TRPM3: variants seen among roughly 807,000 people sequenced by gnomAD.
TRPM3 encodes the protein transient receptor potential cation channel subfamily M member 3, also known as long transient receptor potential channel 3.
In TRPM3, 77 loss-of-function variants were observed where a neutral mutation model predicts 181.2. The observed-to-expected ratio is 0.42, with a 90% CI of 0.35 to 0.51. The LOEUF is 0.51. TRPM3 is among the 20% of genes least tolerant of loss of function. The probability of loss-of-function intolerance (pLI) is 0.01; values close to 1 mark genes in which losing one functional copy is unlikely to be tolerated. For missense variants in TRPM3, 1,759 were observed against 2,196.7 expected (o/e 0.80, Z 3.98); for synonymous variants, 745 against 796.4 (o/e 0.94, Z 1.09).
chr9:71,198,167 A>G lies in TRPM3; in HGVS notation c.183+248486T>C, dbSNP rs2078519620. The stretch of plus-strand genomic sequence containing the variant: ...TGCTTGTTTTTCTCAGGTTTGTCAA[A>G]GATCAGATAGTTGTAGATATGTGGT... On this transcript the variant is annotated intron_variant, in intron 1 of 24. Coordinates refer to the TRPM3 transcript ENST00000357533. Among the ~76,000 whole-genome samples, 6 of 151,480 alleles carry G rather than the reference A, an allele frequency of 4.0e-5. No individual in the cohort carries two copies. In the Admixed American group the frequency reaches 4.0e-4, roughly 10 times the overall value.
At chr9:71,114,755 C>T (rs1382637606) in intron 1 of TRPM3, among the ~76,000 whole-genome samples, 2 of 152,166 alleles carry the variant, frequency 1.3e-5, no homozygotes, top group African/African-American at 4.8e-5. Context: ...GTGACCACTG[C>T]AAGCCCAAGG....
chr9:70,743,710 GA>G (rs1385664414), intron 8 of TRPM3, among the ~76,000 whole-genome samples: 1 of 152,048 alleles, frequency 6.6e-6, no homozygotes, highest in East Asian at 1.9e-4. Flanking sequence ...ATGCAGAGTG[GA>G]AATGCAGAGT....
chr9:71,147,424 G>GACACACACACACACAC (rs34795244), intron 1 of TRPM3, among the ~76,000 whole-genome samples: 13,464 of 144,858 alleles, frequency 0.093, 779 homozygotes, highest in Non-Finnish European at 0.13. Flanking sequence ...GCAACACACA[G>GACACACACACACACAC]ACACACACAC....
intron 1 of TRPM3, among the ~76,000 whole-genome samples, chr9:71,275,619 T>G (rs981064967): frequency 6.6e-6 from 1 of 152,066 alleles, no homozygotes; most frequent in African/African-American, 2.4e-5. Flanking sequence ...TACTAATTAA[T>G]TAGAGGAATA....
chr9:71,212,260 G>A (rs890252061), intron 1 of TRPM3, among the ~76,000 whole-genome samples: 1 of 152,126 alleles, frequency 6.6e-6, no homozygotes, highest in African/African-American at 2.4e-5. Context: ...GGGACTATAA[G>A]TGTGTACCAC....
intron 6 of TRPM3, among the ~76,000 whole-genome samples, chr9:70,816,452 A>T (rs2092697390): frequency 6.6e-6 from 1 of 152,220 alleles, no homozygotes; most frequent in African/African-American, 2.4e-5. Flanking sequence ...GGCTGCTTTT[A>T]TTCCCTGAGA....
intron 1 of TRPM3, among the ~76,000 whole-genome samples, chr9:71,279,564 G>A (rs947932749): frequency 6.6e-6 from 1 of 152,254 alleles, no homozygotes; most frequent in South Asian, 2.1e-4. Flanking sequence ...TAGTAAGCCT[G>A]GCATAACATG....
chr9:70,809,940 A>G (rs767058975), intron 6 of TRPM3: 2 of 534,372 alleles, frequency 3.7e-6, no homozygotes, highest in South Asian at 1.4e-5. Flanking sequence ...GGTTATCCCA[A>G]TGCATTTGAT....
chr9:71,262,161 T>C (rs2083100733), intron 1 of TRPM3, among the ~76,000 whole-genome samples: 1 of 152,108 alleles, frequency 6.6e-6, no homozygotes, highest in South Asian at 2.1e-4. Flanking sequence ...ATCTATAAGC[T>C]CCTGGTGATA....
At chr9:70,917,494 C>G (rs2096609936) in intron 1 of TRPM3, 1 of 724,578 alleles carries the variant, frequency 1.4e-6, no homozygotes, top group East Asian at 2.6e-5. Context: ...GCACCAGGGC[C>G]AAGGGAGCCA....
At chr9:71,079,925 C>A (rs1591251349) in intron 1 of TRPM3, among the ~76,000 whole-genome samples, 1 of 152,162 alleles carries the variant, frequency 6.6e-6, no homozygotes, top group Admixed American at 6.5e-5. Context: ...AATCCCAGGA[C>A]TTTGGGAGGC....
At chr9:71,319,235 G>T (rs1300498151) in intron 1 of TRPM3, among the ~76,000 whole-genome samples, 1 of 68,384 alleles carries the variant, frequency 1.5e-5, no homozygotes, top group Admixed American at 1.7e-4. Context: ...TAGAGACCTA[G>T]AAAGAGGTTA....
intron 16 of TRPM3, 77 bp downstream of exon 16, chr9:70,619,999 A>C: frequency 7.0e-7 from 1 of 1,433,710 alleles, no homozygotes; most frequent in Non-Finnish European, 9.5e-7. Context: ...AGTTCTGAGT[A>C]GCTCAGACTC....
chr9:70,609,613 A>T (rs952606950), intron 19 of TRPM3, among the ~76,000 whole-genome samples: 1 of 152,224 alleles, frequency 6.6e-6, no homozygotes, highest in East Asian at 1.9e-4. Flanking sequence ...CCTGTTGGGG[A>T]CAGCCCCCCA....
intron 1 of TRPM3, among the ~76,000 whole-genome samples, chr9:71,431,467 T>C (rs535054162): frequency 6.6e-6 from 1 of 152,300 alleles, no homozygotes; most frequent in East Asian, 1.9e-4. Context: ...ACAATATAGT[T>C]TCATTATCAA....
chr9:71,424,862 T>C (rs1308309274), intron 1 of TRPM3, among the ~76,000 whole-genome samples: 13 of 152,182 alleles, frequency 8.5e-5, no homozygotes, highest in Admixed American at 7.9e-4. Context: ...GTACACACTG[T>C]CTCCATGACC....
chr9:70,962,071 A>C (rs886121387), intron 1 of TRPM3, among the ~76,000 whole-genome samples: 2 of 152,164 alleles, frequency 1.3e-5, no homozygotes, highest in African/African-American at 4.8e-5. Flanking sequence ...TAAAATTCTC[A>C]AAGACACTTT....
At chr9:71,271,403 T>C (rs150937626) in intron 1 of TRPM3, among the ~76,000 whole-genome samples, 10 of 152,266 alleles carry the variant, frequency 6.6e-5, no homozygotes, top group South Asian at 4.1e-4. Flanking sequence ...CTGGAATACA[T>C]GTTCAATAAA....
intron 1 of TRPM3, among the ~76,000 whole-genome samples, chr9:71,261,094 G>A (rs977815336): frequency 1.3e-5 from 2 of 152,202 alleles, no homozygotes; most frequent in South Asian, 4.1e-4. Context: ...ATTCTGAAGA[G>A]TGTTTTCCAA....
Sources: allele counts gnomAD v4.1 joint callset (sites outside exome capture counted in the v4.1 genomes callset), GRCh38; gene constraint gnomAD v4.1.1; transcripts MANE v1.5; gene names NCBI Gene and HGNC (gene_info 2026-07-23, HGNC 2026-07-21).